The following PDPN variants were observed in gnomAD, a reference collection of about 807,000 sequenced individuals.
The protein encoded by PDPN is podoplanin.
In PDPN, 12 loss-of-function variants were observed where a neutral mutation model predicts 23.2. The ratio of observed to expected loss-of-function variants is 0.52; its 90% confidence interval spans 0.33 to 0.84. PDPN has a LOEUF of 0.84. PDPN is among the 40% of genes least tolerant of loss of function. PDPN has a pLI of 0.02. For missense variants in PDPN, 199 were observed against 212.2 expected (o/e 0.94, Z 0.39); for synonymous variants, 77 against 76.7 (o/e 1.00, Z -0.02).
At chr1:13,591,253 AG>A (rs1640336717) in intron 1 of PDPN, among the ~76,000 whole-genome samples, 1 of 152,154 alleles carries the variant, frequency 6.6e-6, no homozygotes, top group Admixed American at 6.5e-5. Context: ...CCAAATTTCT[AG>A]GAATAAAAGC....
At chr1:13,590,703 GGA>G (rs1640317993) in intron 1 of PDPN, among the ~76,000 whole-genome samples, 1 of 152,128 alleles carries the variant, frequency 6.6e-6, no homozygotes, top group Admixed American at 6.5e-5. Flanking sequence ...AGGAAACTGG[GGA>G]GACAGATGAG....
intron 1 of PDPN, among the ~76,000 whole-genome samples, chr1:13,598,513 C>G (rs145007954): frequency 6.6e-6 from 1 of 152,202 alleles, no homozygotes; most frequent in East Asian, 1.9e-4. Context: ...GATACACACA[C>G]ACTATTCACT....
At chr1:13,600,446 C>G (rs1570035153) in intron 1 of PDPN, among the ~76,000 whole-genome samples, 1 of 151,754 alleles carries the variant, frequency 6.6e-6, no homozygotes, top group Non-Finnish European at 1.5e-5. Context: ...CAGCTCACTA[C>G]AGCCTCTGCC....
intron 1 of PDPN, among the ~76,000 whole-genome samples, chr1:13,605,346 G>A (rs563465582): frequency 5.9e-5 from 9 of 152,268 alleles, no homozygotes; most frequent in African/African-American, 1.7e-4. Context: ...CCTCCCCCTC[G>A]CTCCTGGGAT....
At chr1:13,602,838 G>A (rs1408105999) in intron 1 of PDPN, among the ~76,000 whole-genome samples, 1 of 152,046 alleles carries the variant, frequency 6.6e-6, no homozygotes, top group Non-Finnish European at 1.5e-5. Flanking sequence ...AAAGTGCTGG[G>A]ATTACAGGCG....
chr1:13,605,415 G>A (rs1005123459), intron 1 of PDPN, among the ~76,000 whole-genome samples: 1 of 152,226 alleles, frequency 6.6e-6, no homozygotes, highest in Non-Finnish European at 1.5e-5. Context: ...AACCACTGGA[G>A]TTTAGGGAAG....
intron 4 of PDPN, among the ~76,000 whole-genome samples, chr1:13,613,978 G>A (rs2483135): frequency 0.67 from 101,233 of 150,966 alleles, 34,076 homozygotes; most frequent in Admixed American, 0.75. Flanking sequence ...GGGGAATGGT[G>A]TCATATCACA....
rs1013562575 is a variant in PDPN, at chr1:13,588,390, T to C, written c.67+4290T>C. On this transcript the variant is annotated intron_variant, in intron 1 of 5. Transcript: ENST00000621990. ...AGAACAGGGCACTTCCCACAATTCATCAGGGTGTCTCCATCCGGGAGAACA... is the reference window on the plus strand; with the variant it reads ...AGAACAGGGCACTTCCCACAATTCACCAGGGTGTCTCCATCCGGGAGAACA... 6.6e-5 allele frequency among the ~76,000 whole-genome samples: 10 copies of C among 151,878 alleles called. No homozygotes were observed. The East Asian group carries it at 1.7e-3, about 26-fold the overall frequency.
intron 1 of PDPN, among the ~76,000 whole-genome samples, chr1:13,601,307 C>A (rs773483391): frequency 1.4e-4 from 21 of 152,172 alleles, no homozygotes; most frequent in Non-Finnish European, 2.2e-4. Context: ...TTGGCAGTGT[C>A]CAGGCCACTT....
upstream of PDPN, chr1:13,583,784 C>T (rs1229904408): frequency 1.3e-6 from 2 of 1,516,066 alleles, no homozygotes; most frequent in Non-Finnish European, 1.8e-6. Flanking sequence ...ACCCCGCTCC[C>T]CCGCCTCCTC....
At chr1:13,591,504 A>G (rs1640342094) in intron 1 of PDPN, among the ~76,000 whole-genome samples, 3 of 152,064 alleles carry the variant, frequency 2.0e-5, no homozygotes, top group South Asian at 2.1e-4. Context: ...GTCAGCAGTC[A>G]TTCCCATTTC....
chr1:13,614,083 G>A (rs1018462640), intron 4 of PDPN, among the ~76,000 whole-genome samples: 2 of 152,064 alleles, frequency 1.3e-5, no homozygotes, highest in Non-Finnish European at 2.9e-5. Context: ...TGAATGTTAC[G>A]TTGATAGATC....
intron 1 of PDPN, among the ~76,000 whole-genome samples, chr1:13,584,533 T>G (rs1159285400): frequency 4.6e-5 from 7 of 152,210 alleles, no homozygotes; most frequent in Non-Finnish European, 1.0e-4. Flanking sequence ...CAGGAGGGCT[T>G]GGGCCAAGGG....
intron 5 of PDPN, among the ~76,000 whole-genome samples, chr1:13,615,520 T>C (rs935136579): frequency 6.6e-6 from 1 of 152,054 alleles, no homozygotes; most frequent in South Asian, 2.1e-4. Flanking sequence ...TCTCCTGACC[T>C]CGTGATCCAC....
intron 1 of PDPN, chr1:13,595,846 C>A: frequency 7.8e-7 from 1 of 1,285,992 alleles, no homozygotes. Context: ...TTTAACAACT[C>A]GGGGGTGAAG....
chr1:13,593,818 G>A (rs1477297396), intron 1 of PDPN, among the ~76,000 whole-genome samples: 5 of 152,194 alleles, frequency 3.3e-5, no homozygotes. Flanking sequence ...CACTTCTAAA[G>A]CAGGTTTTTG....
At chr1:13,591,297 T>G (rs1640338036) in intron 1 of PDPN, among the ~76,000 whole-genome samples, 2 of 152,208 alleles carry the variant, frequency 1.3e-5, no homozygotes, top group Admixed American at 1.3e-4. Context: ...ATTTCTTGAC[T>G]TGTTACTAGT....
chr1:13,587,633 T>C (rs1361415172), intron 1 of PDPN, among the ~76,000 whole-genome samples: 1 of 152,190 alleles, frequency 6.6e-6, no homozygotes, highest in Non-Finnish European at 1.5e-5. Context: ...GTGCACGTTT[T>C]ATTGAAGAGA....
chr1:13,587,352 A>G (rs896702425), intron 1 of PDPN, among the ~76,000 whole-genome samples: 7 of 152,242 alleles, frequency 4.6e-5, no homozygotes, highest in Non-Finnish European at 2.9e-5. Context: ...TGTGCCCTGC[A>G]GTCCTCACCA....
Sources: gnomAD v4.1 joint callset for allele counts (sites outside exome capture counted in the v4.1 genomes callset) on GRCh38, gnomAD v4.1.1 for gene constraint, MANE v1.5 for transcripts, NCBI Gene and HGNC (gene_info 2026-07-23, HGNC 2026-07-21) for gene names.